The following MAST4 variants were observed in gnomAD, a reference collection of about 807,000 sequenced individuals.
MAST4 encodes the protein microtubule associated serine/threonine kinase family member 4.
In MAST4, 89 loss-of-function variants were observed where a neutral mutation model predicts 162.7. The observed-to-expected ratio is 0.55, with a 90% CI of 0.46 to 0.65. The LOEUF (loss-of-function observed/expected upper bound fraction) is 0.65. Ranked by LOEUF, MAST4 falls within the 30% of genes least tolerant of loss-of-function variation. The pLI is 0.00. For synonymous variants in MAST4, 1,479 were observed against 1,361.1 expected (o/e 1.09, Z -1.91); for missense variants, 3,153 against 3,374.0 (o/e 0.93, Z 1.62).
intron 4 of MAST4, among the ~76,000 whole-genome samples, chr5:66,992,600 A>C (rs534955686): frequency 6.6e-6 from 1 of 152,232 alleles, no homozygotes; most frequent in Non-Finnish European, 1.5e-5. Flanking sequence ...ATTCTTACTT[A>C]TCAATCTCAT....
chr5:66,812,705 T>C (rs1234950144), intron 3 of MAST4, among the ~76,000 whole-genome samples: 2 of 152,162 alleles, frequency 1.3e-5, no homozygotes, highest in Non-Finnish European at 2.9e-5. Context: ...GTGGTTTGCT[T>C]AGATGGACAG....
intron 25 of MAST4, 39 bp downstream of exon 25, chr5:67,152,905 C>A: frequency 1.9e-6 from 3 of 1,546,920 alleles, no homozygotes; most frequent in Non-Finnish European, 2.7e-6. Flanking sequence ...TTTTTCATTT[C>A]CAGCCAAGCT....
intron 4 of MAST4, among the ~76,000 whole-genome samples, chr5:66,910,741 C>CTTTGT (rs1763690763): frequency 1.3e-3 from 27 of 20,098 alleles, no homozygotes; most frequent in African/African-American, 1.7e-3. Context: ...TTTTTTTTTT[C>CTTTGT]TTTTTTTTTT....
chr5:66,954,934 C>T (rs1745123108), intron 4 of MAST4, among the ~76,000 whole-genome samples: 1 of 151,118 alleles, frequency 6.6e-6, no homozygotes, highest in African/African-American at 2.5e-5. Flanking sequence ...GATATACTGG[C>T]TTATGCCTGT....
intron 1 of MAST4, among the ~76,000 whole-genome samples, chr5:66,687,676 C>G (rs1482102326): frequency 1.1e-4 from 14 of 126,330 alleles, no homozygotes; most frequent in South Asian, 2.6e-4. Context: ...ATCTATCTAT[C>G]TATACGCACC....
At chr5:66,668,383 A>G (rs955032109) in intron 1 of MAST4, among the ~76,000 whole-genome samples, 4 of 152,162 alleles carry the variant, frequency 2.6e-5, no homozygotes, top group African/African-American at 9.7e-5. Flanking sequence ...GATGTTTGAA[A>G]CTTAATCTCC....
chr5:66,801,038 G>C (rs781563313), intron 3 of MAST4, among the ~76,000 whole-genome samples: 4 of 151,990 alleles, frequency 2.6e-5, no homozygotes, highest in Non-Finnish European at 4.4e-5. Context: ...GCTATCATTT[G>C]CCCAGGTGTA....
At chr5:66,831,275 A>C (rs1757577529) in intron 3 of MAST4, among the ~76,000 whole-genome samples, 1 of 152,146 alleles carries the variant, frequency 6.6e-6, no homozygotes, top group African/African-American at 2.4e-5. Flanking sequence ...CCTAGTAAAC[A>C]TTTATTTACA....
At chr5:66,858,474 T>G (rs1279069155) in intron 3 of MAST4, among the ~76,000 whole-genome samples, 1 of 152,162 alleles carries the variant, frequency 6.6e-6, no homozygotes, top group Non-Finnish European at 1.5e-5. Context: ...CCACCTCCAG[T>G]TTATACTACA....
intron 4 of MAST4, among the ~76,000 whole-genome samples, chr5:66,901,959 T>G (rs918363537): frequency 3.3e-5 from 5 of 152,170 alleles, no homozygotes; most frequent in Admixed American, 6.5e-5. Flanking sequence ...AGAGTGATTT[T>G]ATACAAATCT....
intron 23 of MAST4, among the ~76,000 whole-genome samples, chr5:67,146,843 C>G (rs757027487): frequency 6.6e-6 from 1 of 152,146 alleles, no homozygotes; most frequent in Non-Finnish European, 1.5e-5. Flanking sequence ...ACTAAGATGC[C>G]TGACCATCTC....
In MAST4 at chr5:67,165,677, G is replaced by A. The variant is rs1773829272; in HGVS notation, c.6498G>A (p.Lys2166=). ...CTTCTGGCAGAGAGCCGGGGGCCAA[G>A]CCCAGCACTGCAGAGCCCAGCTCGA... ...SHASGREPGA[K]PSTAEPSSSP... Residue 2166 remains lysine, a synonymous_variant, in exon 29 of 29, where the codon AAG becomes AAA. Coordinates refer to ENST00000403625, the MANE Select transcript of MAST4 (RefSeq NM_001164664.2). The A allele has an allele frequency of 6.3e-7, 1 of 1,591,488 alleles. No homozygotes were observed. Among genetic ancestry groups the A allele is most frequent in the South Asian group, 1.1e-5 (1 of 88,078 alleles).
At chr5:66,624,399 C>T (rs750007490) in intron 1 of MAST4, among the ~76,000 whole-genome samples, 12 of 151,834 alleles carry the variant, frequency 7.9e-5, no homozygotes, top group Non-Finnish European at 1.2e-4. Context: ...GTGATCTGCC[C>T]GCCTCGGCCT....
At chr5:66,947,956 C>G (rs1056833110) in intron 4 of MAST4, among the ~76,000 whole-genome samples, 1 of 152,120 alleles carries the variant, frequency 6.6e-6, no homozygotes, top group African/African-American at 2.4e-5. Flanking sequence ...AAAATCTAAT[C>G]TCTTTCCCCT....
At chr5:67,049,023 G>GTATATATATATATACACGTA (rs1757760467) in intron 4 of MAST4, among the ~76,000 whole-genome samples, 1 of 85,666 alleles carries the variant, frequency 1.2e-5, no homozygotes, top group African/African-American at 4.8e-5. Flanking sequence ...ATATATATAC[G>GTATATATATATATACACGTA]TATATATATA....
intron 3 of MAST4, among the ~76,000 whole-genome samples, chr5:66,873,513 T>G (rs1027027419): frequency 1.3e-4 from 20 of 152,228 alleles, no homozygotes; most frequent in Admixed American, 1.2e-3. Context: ...GATTTTATTG[T>G]GAGTCTACGT....
intron 2 of MAST4, among the ~76,000 whole-genome samples, chr5:66,771,756 CT>C (rs201095408): frequency 2.9e-3 from 410 of 143,266 alleles, no homozygotes; most frequent in African/African-American, 3.8e-3. Flanking sequence ...TGGTTTCGGG[CT>C]TTTTTTTTTT....
intron 4 of MAST4, among the ~76,000 whole-genome samples, chr5:66,978,783 G>A (rs1316108799): frequency 6.6e-6 from 1 of 152,152 alleles, no homozygotes; most frequent in South Asian, 2.1e-4. Context: ...TGTGGAAGAG[G>A]AACATTGGAA....
intron 4 of MAST4, among the ~76,000 whole-genome samples, chr5:66,978,931 T>C (rs1384796513): frequency 6.6e-6 from 1 of 151,938 alleles, no homozygotes; most frequent in Non-Finnish European, 1.5e-5. Context: ...TTGGTCTGAA[T>C]AGAGTAGAAG....
Sources: allele counts gnomAD v4.1 joint callset (sites outside exome capture counted in the v4.1 genomes callset), GRCh38; gene constraint gnomAD v4.1.1; transcripts MANE v1.5; gene names NCBI Gene and HGNC (gene_info 2026-07-23, HGNC 2026-07-21).